The following MCPH1 variants were observed in gnomAD, a reference collection of about 807,000 sequenced individuals.
The protein encoded by MCPH1 is microcephalin.
Under a neutral mutation model 84.5 loss-of-function variants are expected in MCPH1, and 104 were observed. The ratio of observed to expected loss-of-function variants is 1.23; its 90% CI spans 1.05 to 1.45. The LOEUF is 1.45. Among genes scored for constraint, MCPH1 ranks in the 40% most tolerant of loss-of-function variants. MCPH1 has a pLI of 0.00. For missense variants in MCPH1, 1,498 were observed against 1,005.7 expected, an observed-to-expected ratio of 1.49 and a Z score of -6.62; for synonymous variants, 514 against 366.8, an observed-to-expected ratio of 1.40 and a Z score of -4.58.
intron 12 of MCPH1, among the ~76,000 whole-genome samples, chr8:6,545,047 T>A (rs561746732): frequency 1.4e-4 from 21 of 152,260 alleles, no homozygotes; most frequent in Non-Finnish European, 3.1e-4. Flanking sequence ...ATGAATGCCA[T>A]CACAGACATC....
At chr8:6,420,755 G>A (rs1260509961) in intron 3 of MCPH1, among the ~76,000 whole-genome samples, 3 of 152,112 alleles carry the variant, frequency 2.0e-5, no homozygotes, top group Admixed American at 1.3e-4. Flanking sequence ...TTATACATAA[G>A]CAAATGTAAC....
intron 12 of MCPH1, chr8:6,562,582 ACCTG>A: frequency 2.2e-5 from 2 of 90,548 alleles, no homozygotes; most frequent in Non-Finnish European, 2.0e-5. Context: ...GGTTGTTAAA[ACCTG>A]AGCTGCTGCC....
At chr8:6,437,338 C>G (rs915887745) in intron 5 of MCPH1, among the ~76,000 whole-genome samples, 6 of 152,104 alleles carry the variant, frequency 3.9e-5, no homozygotes, top group South Asian at 2.1e-4. Context: ...TCAAGCAATT[C>G]TCCTGGCTCA....
At chr8:6,556,427 A>G (rs12543837) in intron 12 of MCPH1, among the ~76,000 whole-genome samples, 18,303 of 152,056 alleles carry the variant, frequency 0.12, 1,236 homozygotes, top group South Asian at 0.17. Flanking sequence ...GTTTCCGTGT[A>G]GTGACCAAGG....
At chr8:6,418,663 A>T (rs988254186) in intron 3 of MCPH1, among the ~76,000 whole-genome samples, 1 of 151,888 alleles carries the variant, frequency 6.6e-6, no homozygotes, top group Non-Finnish European at 1.5e-5. Flanking sequence ...GCTCACTGCA[A>T]CCTCCTACTC....
At chr8:6,587,528 T>C (rs1828093929) in intron 12 of MCPH1, among the ~76,000 whole-genome samples, 4 of 152,258 alleles carry the variant, frequency 2.6e-5, no homozygotes, top group African/African-American at 9.6e-5. Context: ...TTGCTGGACA[T>C]TGAATTCTTT....
intron 12 of MCPH1, among the ~76,000 whole-genome samples, chr8:6,595,058 T>C (rs895196025): frequency 2.0e-5 from 3 of 152,238 alleles, no homozygotes; most frequent in African/African-American, 4.8e-5. Context: ...GTTGAGTCTG[T>C]TGCTAACTAA....
chr8:6,506,551 G>T (rs1191144689), intron 12 of MCPH1, among the ~76,000 whole-genome samples: 2 of 152,150 alleles, frequency 1.3e-5, no homozygotes, highest in Non-Finnish European at 2.9e-5. Context: ...TCCAGCATGT[G>T]GGGAAATGGT....
chr8:6,646,595 C>G lies in MCPH1; in HGVS notation c.*3546C>G, dbSNP rs1001800510. On this transcript the variant is annotated 3_prime_UTR_variant, in exon 14 of 14. Coordinates refer to ENST00000344683, the MANE Select transcript of MCPH1 (RefSeq NM_024596.5). ...ACACCATGCACAAAAATTAGCTCAA[C>G]GTGGACTATATCAGGGTTTCTCAAC... 3 of 152,150 alleles carry G rather than the reference C, an allele frequency of 2.0e-5. No homozygotes were observed. The highest frequency in any genetic ancestry group is 4.8e-5 in the African/African-American group (2 of 41,418). The allele number at this position is 152,150 out of a possible 1,614,324, so 9.4% of individuals were successfully genotyped here. A position where few individuals can be genotyped will look rare whatever the true frequency, so the allele number is the denominator to read the frequency against.
intron 12 of MCPH1, among the ~76,000 whole-genome samples, chr8:6,608,639 C>G (rs1307539209): frequency 6.6e-6 from 1 of 152,178 alleles, no homozygotes; most frequent in African/African-American, 2.4e-5. Context: ...TCATTAGAAT[C>G]GTCTGGGGAG....
At chr8:6,535,978 G>T (rs368317464) in intron 12 of MCPH1, among the ~76,000 whole-genome samples, 107 of 152,180 alleles carry the variant, frequency 7.0e-4, no homozygotes, top group African/African-American at 2.5e-3. Context: ...GACTGCTTGA[G>T]CCCAGGAGAG....
intron 8 of MCPH1, among the ~76,000 whole-genome samples, chr8:6,449,641 A>G (rs1352000371): frequency 6.7e-6 from 1 of 148,802 alleles, no homozygotes; most frequent in Non-Finnish European, 1.5e-5. Context: ...CTCAAAAAGA[A>G]AAAAAAAAAA....
intron 12 of MCPH1, among the ~76,000 whole-genome samples, chr8:6,596,988 A>C (rs919795074): frequency 1.3e-5 from 2 of 152,180 alleles, no homozygotes; most frequent in Admixed American, 6.5e-5. Context: ...CGGAGAATCT[A>C]AAACCATCCC....
chr8:6,556,914 T>G (rs375265611), intron 12 of MCPH1, among the ~76,000 whole-genome samples: 3 of 152,136 alleles, frequency 2.0e-5, no homozygotes, highest in African/African-American at 7.2e-5. Flanking sequence ...CCCCTCTGAC[T>G]TCTTCTAGGC....
At chr8:6,506,413 C>A (rs537123715) in intron 12 of MCPH1, among the ~76,000 whole-genome samples, 1 of 152,062 alleles carries the variant, frequency 6.6e-6, no homozygotes, top group African/African-American at 2.4e-5. Flanking sequence ...TTCTCAGTCC[C>A]TAAATCTTGA....
intron 9 of MCPH1, among the ~76,000 whole-genome samples, chr8:6,465,305 C>T (rs998550503): frequency 3.3e-5 from 5 of 152,198 alleles, no homozygotes; most frequent in African/African-American, 1.2e-4. Flanking sequence ...TGCACTGCGC[C>T]TCTCTGGTAC....
intron 11 of MCPH1, among the ~76,000 whole-genome samples, chr8:6,491,374 T>G (rs1260658874): frequency 7.5e-6 from 1 of 134,010 alleles, no homozygotes; most frequent in African/African-American, 3.2e-5. Flanking sequence ...TATGGTTTCT[T>G]TCTTTTTTTT....
intron 2 of MCPH1, among the ~76,000 whole-genome samples, chr8:6,413,837 C>G (rs957614865): frequency 2.0e-5 from 3 of 151,796 alleles, no homozygotes; most frequent in Admixed American, 6.6e-5. Context: ...TCACTGTAAC[C>G]GCCACCTCCC....
chr8:6,443,443 C>G (rs1803807186), intron 7 of MCPH1, among the ~76,000 whole-genome samples: 1 of 148,942 alleles, frequency 6.7e-6, no homozygotes, highest in South Asian at 2.1e-4. Flanking sequence ...TGTGTTCTTC[C>G]TTTTTAAAGT....
Sources: gnomAD v4.1 joint callset for allele counts (sites outside exome capture counted in the v4.1 genomes callset) on GRCh38, gnomAD v4.1.1 for gene constraint, MANE v1.5 for transcripts, NCBI Gene and HGNC (gene_info 2026-07-23, HGNC 2026-07-21) for gene names.